Variants in ERP27 observed in about 807,000 individuals in gnomAD.
ERP27 encodes endoplasmic reticulum resident protein 27.
Under a neutral mutation model 27.7 loss-of-function variants are expected in ERP27, and 23 were observed. That is an observed-to-expected ratio of 0.83 (90% CI 0.60 to 1.18). The LOEUF (loss-of-function observed/expected upper bound fraction) is 1.18, where lower values mean the gene tolerates loss of function less well. Among genes scored for constraint, ERP27 ranks in the 50% most tolerant of loss-of-function variants. The probability of loss-of-function intolerance (pLI) is 0.00; values close to 1 mark genes in which losing one functional copy is unlikely to be tolerated. For synonymous variants in ERP27, 159 were observed against 118.3 expected (o/e 1.34, Z -2.23); for missense variants, 363 against 327.9 (o/e 1.11, Z -0.83).
chr12:14,938,367 C>T (rs1482565766), intron 1 of ERP27, 48 bp downstream of exon 1: 1 of 1,578,816 alleles, frequency 6.3e-7, no homozygotes, highest in Non-Finnish European at 8.7e-7. Flanking sequence ...TTTCCTTCTC[C>T]TAATAACACT....
At chr12:14,932,872 C>T (rs1863716680) in intron 3 of ERP27, among the ~76,000 whole-genome samples, 1 of 152,094 alleles carries the variant, frequency 6.6e-6, no homozygotes. Context: ...AAAATAGTAT[C>T]TTAGATGGAG....
At position 14,914,494 on chromosome 12, in the gene ERP27, T is replaced by G; in HGVS notation, c.*241A>C. 2.0e-6 allele frequency: 1 copy of G among 501,536 alleles called. No homozygotes were observed. Among genetic ancestry groups the G allele is most frequent in the Non-Finnish European group, 3.5e-6 (1 of 284,922 alleles). 31.1% of individuals were successfully genotyped at this position (501,536 alleles called of 1,614,324 possible). The stretch of plus-strand genomic sequence containing the variant: ...GATAAGAAGGAAATTGGATAGGGAG[T>G]GAGGATATGAAATTTAAAAGAAGGA... On this transcript the variant is annotated 3_prime_UTR_variant, in exon 7 of 7. Transcript: ENST00000266397.
intron 3 of ERP27, among the ~76,000 whole-genome samples, chr12:14,924,909 C>G (rs1370360005): frequency 2.0e-5 from 3 of 152,218 alleles, no homozygotes; most frequent in Admixed American, 2.0e-4. Context: ...AGGAGCATGA[C>G]CTCTGGTCGT....
At chr12:14,938,166 T>TCTCTATACTA (rs1863800283) in intron 1 of ERP27, 114 bp from the exon 2 acceptor site, 1 of 874,560 alleles carries the variant, frequency 1.1e-6, no homozygotes, top group African/African-American at 1.7e-5. Flanking sequence ...GCACAATTTA[T>TCTCTATACTA]AGGAGTACTG....
intron 3 of ERP27, among the ~76,000 whole-genome samples, chr12:14,932,106 A>T (rs1863706096): frequency 6.6e-6 from 1 of 152,168 alleles, no homozygotes; most frequent in South Asian, 2.1e-4. Context: ...GCACCCTCCG[A>T]GTGCCTTTAA....
At chr12:14,936,535 G>C (rs1469719709) in intron 2 of ERP27, among the ~76,000 whole-genome samples, 3 of 152,218 alleles carry the variant, frequency 2.0e-5, no homozygotes, top group Non-Finnish European at 4.4e-5. Context: ...AAGGAGAAAA[G>C]AAGATGGCCA....
chr12:14,917,744 A>G (rs2193358), intron 4 of ERP27, among the ~76,000 whole-genome samples: 94,683 of 152,008 alleles, frequency 0.62, 29,901 homozygotes, highest in East Asian at 0.9. Flanking sequence ...GCCATCTTGG[A>G]AGCAGATCCC....
chr12:14,933,972 C>T (rs1405572606), intron 3 of ERP27, among the ~76,000 whole-genome samples: 2 of 152,182 alleles, frequency 1.3e-5, no homozygotes, highest in Non-Finnish European at 1.5e-5. Flanking sequence ...TCTAATAAAA[C>T]ACATTTCTGT....
chr12:14,935,362 G>A (rs1160843582), intron 2 of ERP27, among the ~76,000 whole-genome samples: 1 of 152,062 alleles, frequency 6.6e-6, no homozygotes, highest in African/African-American at 2.4e-5. Flanking sequence ...TTTGTTTAAC[G>A]GTGAAATAGC....
intron 3 of ERP27, among the ~76,000 whole-genome samples, 178 bp from the exon 4 acceptor site, chr12:14,921,226 G>T (rs1863498857): frequency 6.6e-6 from 1 of 152,192 alleles, no homozygotes; most frequent in African/African-American, 2.4e-5. Flanking sequence ...AAAGTGAAGA[G>T]AAATTTCCCA....
intron 3 of ERP27, among the ~76,000 whole-genome samples, chr12:14,921,279 A>C (rs974165058): frequency 6.6e-6 from 1 of 152,236 alleles, no homozygotes; most frequent in African/African-American, 2.4e-5. Flanking sequence ...ACAGGCCCGC[A>C]TGTCACCTAT....
chr12:14,934,132 C>T (rs770264570), intron 3 of ERP27, among the ~76,000 whole-genome samples: 3 of 152,134 alleles, frequency 2.0e-5, no homozygotes, highest in Non-Finnish European at 4.4e-5. Flanking sequence ...CCAATGTGTA[C>T]CCTGGGATCC....
rs772088481 is a variant in ERP27 at position 14,921,057 on chromosome 12, C to G, written c.334-9G>C. 1 of 1,605,400 alleles carries G rather than the reference C, an allele frequency of 6.2e-7. No individual in the cohort carries two copies. The highest frequency in any genetic ancestry group is 1.1e-5 in the South Asian group (1 of 90,762). ...AGTTGTTCATTGTCTACCTGGATAA[C>G]ACAAAAAAGAATGAAGTCACTATTC... On this transcript the variant is annotated splice_polypyrimidine_tract_variant and intron_variant, in intron 3 of 6. Transcript: ENST00000266397.
At chr12:14,928,905 A>G (rs1417615043) in intron 3 of ERP27, 3 of 1,523,710 alleles carry the variant, frequency 2.0e-6, no homozygotes, top group Non-Finnish European at 1.8e-6. Context: ...CAAAAAAATA[A>G]TATTTGCAGC....
At position 14,914,499 on chromosome 12, in the gene ERP27, A is replaced by C; in HGVS notation, c.*236T>G. ...GAAGGAAATTGGATAGGGAGTGAGGATATGAAATTTAAAAGAAGGAAGAAG... is the reference window on the plus strand; with the variant it reads ...GAAGGAAATTGGATAGGGAGTGAGGCTATGAAATTTAAAAGAAGGAAGAAG... On this transcript the variant is annotated 3_prime_UTR_variant, in exon 7 of 7. Transcript: ENST00000266397. 1 of 515,608 alleles carries C rather than the reference A, an allele frequency of 1.9e-6. No homozygotes were observed. Among genetic ancestry groups the C allele is most frequent in the Non-Finnish European group, 3.4e-6 (1 of 292,732 alleles). 31.9% of individuals were successfully genotyped at this position (515,608 alleles called of 1,614,324 possible). A position where few individuals can be genotyped will look rare whatever the true frequency, so the allele number is the denominator to read the frequency against.
intron 6 of ERP27, 86 bp from the exon 7 acceptor site, chr12:14,914,868 C>T (rs889384202): frequency 4.9e-6 from 5 of 1,028,014 alleles, no homozygotes; most frequent in African/African-American, 4.8e-5. Flanking sequence ...TAATTTTTAT[C>T]TCATGAACCC....
chr12:14,928,853 G>T, intron 3 of ERP27: 1 of 1,298,466 alleles, frequency 7.7e-7, no homozygotes, highest in Non-Finnish European at 1.1e-6. Context: ...CCCTTCCCTT[G>T]CCCATATCAA....
chr12:14,920,807 T>G, intron 4 of ERP27, 125 bp downstream of exon 4: 1 of 694,286 alleles, frequency 1.4e-6, no homozygotes, highest in Admixed American at 2.5e-5. Context: ...GATAGTAACA[T>G]AAACAATACA....
intron 3 of ERP27, among the ~76,000 whole-genome samples, chr12:14,934,215 T>G (rs532016108): frequency 6.6e-6 from 1 of 152,344 alleles, no homozygotes; most frequent in South Asian, 2.1e-4. Flanking sequence ...TGTCTAAACT[T>G]ATCTATCCTT....
Sources: gnomAD v4.1 joint callset for allele counts (sites outside exome capture counted in the v4.1 genomes callset) on GRCh38, gnomAD v4.1.1 for gene constraint, MANE v1.5 for transcripts, NCBI Gene and HGNC (gene_info 2026-07-23, HGNC 2026-07-21) for gene names.